TMEM217B: variants seen among roughly 807,000 people sequenced by gnomAD.
TMEM217B encodes transmembrane protein 217B, also known as putative transmembrane protein 217B.
chr6:37,257,684 G>T, the TMEM217B span: 4 of 541,470 alleles, frequency 7.4e-6, no homozygotes, highest in African/African-American at 3.9e-5. Context: ...GGCTTCAGCG[G>T]CCTGCAGGAT....
chr6:37,227,428 T>C, the TMEM217B span, among the ~76,000 whole-genome samples: 1 of 152,174 alleles, frequency 6.6e-6, no homozygotes, highest in Non-Finnish European at 1.5e-5. Flanking sequence ...TCTTGATTGC[T>C]CTAAGCGAAG....
the TMEM217B span, chr6:37,215,132 T>C: frequency 6.3e-7 from 1 of 1,595,716 alleles, no homozygotes; most frequent in Non-Finnish European, 8.6e-7. Flanking sequence ...ACTATAATAA[T>C]GGCCTAACTT....
At chr6:37,228,876 A>G in the TMEM217B span, among the ~76,000 whole-genome samples, 2 of 151,808 alleles carry the variant, frequency 1.3e-5, no homozygotes, top group Admixed American at 1.3e-4. Flanking sequence ...GGGTGCCTGT[A>G]GTCCCAGCTA....
chr6:37,221,065 AACT>A, the TMEM217B span, among the ~76,000 whole-genome samples: 1 of 152,194 alleles, frequency 6.6e-6, no homozygotes, highest in African/African-American at 2.4e-5. Flanking sequence ...CATCTTGCAA[AACT>A]GAAACTGTAC....
chr6:37,213,778 G>A, the TMEM217B span, among the ~76,000 whole-genome samples: 13 of 152,312 alleles, frequency 8.5e-5, no homozygotes, highest in African/African-American at 2.2e-4. Context: ...GGCCTACAGC[G>A]CAAACGTTCC....
chr6:37,224,166 T>C, the TMEM217B span, among the ~76,000 whole-genome samples: 1 of 149,510 alleles, frequency 6.7e-6, no homozygotes, highest in Non-Finnish European at 1.5e-5. Context: ...CTTGAACTCC[T>C]GACCTCAAAT....
At chr6:37,215,284 T>C in the TMEM217B span, 1 of 1,610,590 alleles carries the variant, frequency 6.2e-7, no homozygotes, top group Non-Finnish European at 8.5e-7. Context: ...GTGTGGAAGC[T>C]AGACAAATAA....
the TMEM217B span, among the ~76,000 whole-genome samples, chr6:37,231,957 C>A: frequency 6.6e-6 from 1 of 151,840 alleles, no homozygotes; most frequent in East Asian, 1.9e-4. Context: ...TTACTAAAAT[C>A]AGAATCTCTG....
At chr6:37,216,326 G>A in the TMEM217B span, among the ~76,000 whole-genome samples, 3 of 152,072 alleles carry the variant, frequency 2.0e-5, no homozygotes, top group East Asian at 1.9e-4. Context: ...TGATCCGCCC[G>A]CTTTGGCCTC....
the TMEM217B span, among the ~76,000 whole-genome samples, chr6:37,230,626 A>T: frequency 2.0e-5 from 3 of 152,122 alleles, no homozygotes; most frequent in Non-Finnish European, 4.4e-5. Context: ...CAAAATAAGG[A>T]AAAAAGCCTC....
At chr6:37,233,180 T>A in the TMEM217B span, among the ~76,000 whole-genome samples, 2 of 151,968 alleles carry the variant, frequency 1.3e-5, no homozygotes, top group African/African-American at 4.8e-5. Context: ...CTGGTCTTTC[T>A]TATTTAAGTA....
the TMEM217B span, among the ~76,000 whole-genome samples, chr6:37,238,324 TTATGCCAAGGAGTAGCTACTA>T: frequency 2.6e-5 from 4 of 152,216 alleles, no homozygotes; most frequent in Non-Finnish European, 5.9e-5. Flanking sequence ...TATTTTTACT[TTATGCCAAGGAGTAGCTACTA>T]TTTATTATGC....
At chr6:37,231,116 G>C in the TMEM217B span, among the ~76,000 whole-genome samples, 1 of 151,744 alleles carries the variant, frequency 6.6e-6, no homozygotes, top group Non-Finnish European at 1.5e-5. Flanking sequence ...CTGGAGTGCA[G>C]GCGCATGATC....
the TMEM217B span, among the ~76,000 whole-genome samples, chr6:37,231,605 G>A: frequency 4.7e-3 from 707 of 149,178 alleles, 11 homozygotes; most frequent in African/African-American, 0.016. Flanking sequence ...CCCGGGAGGT[G>A]GGGTTGCGGT....
At chr6:37,214,719 T>A in the TMEM217B span, among the ~76,000 whole-genome samples, 1 of 152,212 alleles carries the variant, frequency 6.6e-6, no homozygotes, top group African/African-American at 2.4e-5. Flanking sequence ...TCACTTAGCA[T>A]AATGTTTTCC....
chr6:37,232,091 AG>A, the TMEM217B span, among the ~76,000 whole-genome samples: 2 of 152,092 alleles, frequency 1.3e-5, no homozygotes, highest in Admixed American at 6.5e-5. Context: ...TGCTTGTGTA[AG>A]TCTTTTGTTG....
At chr6:37,253,225 A>G in the TMEM217B span, among the ~76,000 whole-genome samples, 1 of 152,180 alleles carries the variant, frequency 6.6e-6, no homozygotes, top group African/African-American at 2.4e-5. Context: ...TGCACACCAT[A>G]ATTTACATAA....
the TMEM217B span, among the ~76,000 whole-genome samples, chr6:37,224,921 G>A: frequency 2.0e-5 from 3 of 151,642 alleles, no homozygotes; most frequent in Non-Finnish European, 4.4e-5. Context: ...GCTCATGCCT[G>A]TAATCCCAGC....
At chr6:37,221,997 C>T in the TMEM217B span, among the ~76,000 whole-genome samples, 3 of 152,248 alleles carry the variant, frequency 2.0e-5, no homozygotes, top group South Asian at 6.2e-4. Context: ...AGCTGGTCCT[C>T]CCATTGTCTC....
Sources: allele counts gnomAD v4.1 joint callset (sites outside exome capture counted in the v4.1 genomes callset), GRCh38; gene constraint gnomAD v4.1.1; transcripts MANE v1.5; gene names NCBI Gene and HGNC (gene_info 2026-07-23, HGNC 2026-07-21).